COL28A1: variants seen among roughly 807,000 people sequenced by gnomAD.
COL28A1 encodes the protein collagen alpha-1(XXVIII) chain.
Under a neutral mutation model 150.2 loss-of-function variants are expected in COL28A1, and 161 were observed. The ratio of observed to expected loss-of-function variants is 1.07; its 90% confidence interval spans 0.94 to 1.22. The LOEUF (loss-of-function observed/expected upper bound fraction) is 1.22. Ranked by LOEUF, COL28A1 falls within the 50% of genes most tolerant of loss-of-function variation. The pLI is 0.00. For synonymous variants in COL28A1, 552 were observed against 469.7 expected, an observed-to-expected ratio of 1.18 and a Z score of -2.26; for missense variants, 1,617 against 1,388.3, an observed-to-expected ratio of 1.16 and a Z score of -2.62.
intron 34 of COL28A1, 37 bp from the exon 35 acceptor site, chr7:7,358,842 CTTAT>C: frequency 1.3e-6 from 2 of 1,542,982 alleles, no homozygotes; most frequent in Non-Finnish European, 1.8e-6. Flanking sequence ...ACGGATTTTT[CTTAT>C]ACTGAAGACA....
intron 6 of COL28A1, among the ~76,000 whole-genome samples, chr7:7,519,321 C>T (rs1011914635): frequency 6.6e-6 from 1 of 152,312 alleles, no homozygotes; most frequent in Non-Finnish European, 1.5e-5. Flanking sequence ...ATTTAATTAC[C>T]TCCCACCAGT....
chr7:7,520,010 A>G (rs574836589), intron 6 of COL28A1, 52 bp downstream of exon 6: 2 of 857,534 alleles, frequency 2.3e-6, no homozygotes, highest in South Asian at 3.1e-5. Context: ...TTTTAAAAAA[A>G]AAGTCTAGAA....
chr7:7,514,960 C>G (rs1781341622), intron 8 of COL28A1, among the ~76,000 whole-genome samples: 1 of 152,162 alleles, frequency 6.6e-6, no homozygotes, highest in Admixed American at 6.5e-5. Flanking sequence ...GAAGTCTTGG[C>G]TACCCAATGC....
intron 5 of COL28A1, among the ~76,000 whole-genome samples, chr7:7,521,059 T>G (rs560177120): frequency 2.0e-5 from 3 of 152,032 alleles, no homozygotes; most frequent in Non-Finnish European, 4.4e-5. Flanking sequence ...CAGTACACAT[T>G]CCCCTCCCAC....
In COL28A1 at chr7:7,383,558, C is replaced by T. The variant is rs556540425; in HGVS notation, c.2137-1946G>A. 2.8e-4 allele frequency among the ~76,000 whole-genome samples: 42 copies of T among 151,708 alleles called. 1 individual carries two copies. The South Asian group carries it at 4.8e-3, about 17-fold the overall frequency. On this transcript the variant is annotated intron_variant, in intron 27 of 34. Coordinates refer to ENST00000399429, the MANE Select transcript of COL28A1 (RefSeq NM_001037763.3). ...CCTCCTAAAGTGCTGGGATTACAGG[C>T]ATGAGCCACCACACCTGGCTGATAT... is the stretch of plus-strand genomic sequence containing the variant.
In COL28A1 at chr7:7,417,414, G is replaced by A. The variant is rs1027522420; in HGVS notation, c.2136+445C>T. Among the ~76,000 whole-genome samples, 21 of 148,778 alleles carry A rather than the reference G, an allele frequency of 1.4e-4. 1 individual carries two copies. The highest frequency in any genetic ancestry group is 4.7e-4 in the Admixed American group (7 of 14,974). ...GAAAGGGCATTAGTACTATCCAAAAGCTCCCTAGGTGATTCCACTGTGAGC... is the reference window on the plus strand; with the variant it reads ...GAAAGGGCATTAGTACTATCCAAAAACTCCCTAGGTGATTCCACTGTGAGC... On this transcript the variant is annotated intron_variant, in intron 27 of 34. Transcript: ENST00000399429.
intron 27 of COL28A1, among the ~76,000 whole-genome samples, chr7:7,383,239 T>A (rs1270666562): frequency 6.8e-6 from 1 of 148,136 alleles, no homozygotes; most frequent in Non-Finnish European, 1.5e-5. Context: ...AAATAATACA[T>A]CTTTTTTTTG....
chr7:7,405,591 T>A (rs1783449023), intron 27 of COL28A1, among the ~76,000 whole-genome samples: 1 of 152,188 alleles, frequency 6.6e-6, no homozygotes, highest in Non-Finnish European at 1.5e-5. Flanking sequence ...GCTCACTGTC[T>A]TTATGCCAAC....
At chr7:7,527,561 A>AC (rs1782098774) in intron 3 of COL28A1, among the ~76,000 whole-genome samples, 1 of 152,192 alleles carries the variant, frequency 6.6e-6, no homozygotes, top group East Asian at 1.9e-4. Context: ...GAGGGCTTGC[A>AC]CTCAGGCAGG....
At chr7:7,396,713 T>C (rs565500954) in intron 27 of COL28A1, among the ~76,000 whole-genome samples, 3 of 152,356 alleles carry the variant, frequency 2.0e-5, no homozygotes, top group South Asian at 2.1e-4. Context: ...CTGGCCAGAA[T>C]ACAATCCTGA....
At chr7:7,391,257 G>A (rs1782524143) in intron 27 of COL28A1, among the ~76,000 whole-genome samples, 1 of 152,152 alleles carries the variant, frequency 6.6e-6, no homozygotes, top group Non-Finnish European at 1.5e-5. Flanking sequence ...TCAGCAGCAG[G>A]TTGTTCAGTT....
chr7:7,392,338 G>C (rs954875166), intron 27 of COL28A1, among the ~76,000 whole-genome samples: 1 of 152,224 alleles, frequency 6.6e-6, no homozygotes, highest in Non-Finnish European at 1.5e-5. Flanking sequence ...TCTGCAGAGA[G>C]ATCTGCTGTT....
chr7:7,498,959 C>T (rs1780368451), intron 11 of COL28A1, among the ~76,000 whole-genome samples: 1 of 152,182 alleles, frequency 6.6e-6, no homozygotes, highest in Non-Finnish European at 1.5e-5. Context: ...CTGAGAACCA[C>T]ATGCATCAGC....
intron 27 of COL28A1, among the ~76,000 whole-genome samples, chr7:7,399,304 C>T (rs757538403): frequency 2.0e-5 from 3 of 152,166 alleles, no homozygotes; most frequent in Non-Finnish European, 4.4e-5. Flanking sequence ...TCCTCCCTGA[C>T]CTCAGCCAAG....
chr7:7,345,621 T>A, the COL28A1 span, among the ~76,000 whole-genome samples: 1 of 152,162 alleles, frequency 6.6e-6, no homozygotes, highest in East Asian at 1.9e-4. Flanking sequence ...TGGTATCAAA[T>A]TCCATCTTGA....
At chr7:7,533,061 T>C (rs1782458794) in intron 1 of COL28A1, 149 bp from the exon 2 acceptor site, 1 of 919,110 alleles carries the variant, frequency 1.1e-6, no homozygotes, top group Non-Finnish European at 1.5e-6. Context: ...CATTGAGATT[T>C]TGAAAGATTT....
downstream of COL28A1, chr7:7,356,513 A>G (rs1780363678): frequency 6.6e-6 from 1 of 152,174 alleles, no homozygotes; most frequent in Non-Finnish European, 1.5e-5. Context: ...CTATGCAGCC[A>G]TAAAAAATGA....
rs1411812246 is a variant in COL28A1, at chr7:7,426,376, A to C, written c.1998+6097T>G. 6.6e-5 allele frequency among the ~76,000 whole-genome samples: 10 copies of C among 152,324 alleles called. No homozygotes were observed. The East Asian group carries it at 1.9e-3, about 29-fold the overall frequency. On this transcript the variant is annotated intron_variant, in intron 25 of 34. Transcript: ENST00000399429. Reference sequence around the variant, plus strand: ...TATGTCATGTGTTAGGACCTCTAGAATACCTCACTCGTGGTAGCCAGAATG... The same window carrying C: ...TATGTCATGTGTTAGGACCTCTAGACTACCTCACTCGTGGTAGCCAGAATG...
intron 27 of COL28A1, 100 bp from the exon 28 acceptor site, chr7:7,381,712 G>C (rs1455918875): frequency 6.7e-6 from 5 of 745,630 alleles, no homozygotes; most frequent in Non-Finnish European, 1.2e-5. Context: ...CTGCATTATA[G>C]TATTATCTAA....
Sources: allele counts gnomAD v4.1 joint callset (sites outside exome capture counted in the v4.1 genomes callset), GRCh38; gene constraint gnomAD v4.1.1; transcripts MANE v1.5; gene names NCBI Gene and HGNC (gene_info 2026-07-23, HGNC 2026-07-21).